Variants in GCH1 observed in about 807,000 individuals in gnomAD.
GCH1 encodes GTP cyclohydrolase I.
GCH1 carries 5 observed loss-of-function variants against 25.9 expected under a neutral mutation model. That is an observed-to-expected ratio of 0.19 (90% CI 0.10 to 0.41). GCH1 has a LOEUF of 0.41. Ranked by LOEUF, GCH1 falls within the 10% of genes least tolerant of loss-of-function variation. The pLI, the probability that GCH1 is intolerant of heterozygous loss-of-function variation, is 1.00. For missense variants in GCH1, 261 were observed against 336.5 expected, an observed-to-expected ratio of 0.78 and a Z score of 1.75; for synonymous variants, 159 against 129.6, an observed-to-expected ratio of 1.23 and a Z score of -1.54.
At chr14:54,874,678 G>A (rs1423069290) in intron 1 of GCH1, among the ~76,000 whole-genome samples, 19 of 152,172 alleles carry the variant, frequency 1.2e-4, no homozygotes, top group Admixed American at 2.0e-4. Flanking sequence ...CAAAAATCAC[G>A]AGCATTTCTA....
At chr14:54,879,581 T>G (rs2040214002) in intron 1 of GCH1, among the ~76,000 whole-genome samples, 1 of 152,080 alleles carries the variant, frequency 6.6e-6, no homozygotes, top group Non-Finnish European at 1.5e-5. Flanking sequence ...CATTTATAAA[T>G]CCTTGAAAGG....
chr14:54,870,498 T>TGGGTGCAGGACAGG (rs1566671633), intron 1 of GCH1, among the ~76,000 whole-genome samples: 1 of 152,126 alleles, frequency 6.6e-6, no homozygotes, highest in Non-Finnish European at 1.5e-5. Flanking sequence ...TGTCGGACAG[T>TGGGTGCAGGACAGG]GGGTGCAGGA....
intron 1 of GCH1, among the ~76,000 whole-genome samples, chr14:54,890,592 T>C (rs1373806852): frequency 6.6e-6 from 1 of 152,218 alleles, no homozygotes; most frequent in Non-Finnish European, 1.5e-5. Context: ...ATGGCCAGAA[T>C]GAACTTTAAA....
At chr14:54,859,650 G>A in intron 3 of GCH1, 31 bp downstream of exon 3, 3 of 1,307,344 alleles carry the variant, frequency 2.3e-6, no homozygotes, top group Non-Finnish European at 3.3e-6. Context: ...CTATAAACCT[G>A]TATTCTTGTT....
chr14:54,852,818 A>G, intron 3 of GCH1, among the ~76,000 whole-genome samples: 1 of 152,080 alleles, frequency 6.6e-6, no homozygotes, highest in East Asian at 1.9e-4. Context: ...GCCCTCTTCC[A>G]TCGTGTTTGT....
At chr14:54,858,224 A>G (rs1165881572) in intron 3 of GCH1, among the ~76,000 whole-genome samples, 1 of 152,166 alleles carries the variant, frequency 6.6e-6, no homozygotes, top group Non-Finnish European at 1.5e-5. Flanking sequence ...GCATAAAGAA[A>G]CAGGAACACA....
chr14:54,876,588 T>C (rs988258246), intron 1 of GCH1, among the ~76,000 whole-genome samples: 11 of 152,012 alleles, frequency 7.2e-5, no homozygotes, highest in African/African-American at 1.2e-4. Context: ...GAACCCAGGA[T>C]AGGAGTTTGA....
rs745929907 is a variant in GCH1, at chr14:54,844,038, G to A, written c.732C>T (p.Phe244=). ...FREDPKTREE[F]LTLIRS Reference sequence around the variant, plus strand: ...AAGCTCAGCTCCTAATGAGAGTCAGGAACTCTTCCCGAGTCTTTGGATCCT... The same window carrying A: ...AAGCTCAGCTCCTAATGAGAGTCAGAAACTCTTCCCGAGTCTTTGGATCCT... The change falls in exon 6 of 6, where the codon TTC becomes TTT. Residue 244 remains phenylalanine, a synonymous_variant. Transcript: ENST00000491895. 2.5e-6 allele frequency: 4 copies of A among 1,614,060 alleles called. No homozygotes were observed. Among genetic ancestry groups the A allele is most frequent in the Admixed American group, 1.7e-5 (1 of 60,016 alleles).
At chr14:54,876,702 G>A (rs887508459) in intron 1 of GCH1, among the ~76,000 whole-genome samples, 12 of 151,958 alleles carry the variant, frequency 7.9e-5, no homozygotes, top group African/African-American at 2.4e-4. Flanking sequence ...TAAAATTGTA[G>A]TATAGTATGT....
At chr14:54,883,501 A>C (rs1208157590) in intron 1 of GCH1, among the ~76,000 whole-genome samples, 1 of 152,022 alleles carries the variant, frequency 6.6e-6, no homozygotes, top group Non-Finnish European at 1.5e-5. Flanking sequence ...AAGACGGACA[A>C]AGTCCGTCTC....
chr14:54,875,476 A>T (rs1049034464), intron 1 of GCH1, among the ~76,000 whole-genome samples: 1 of 152,356 alleles, frequency 6.6e-6, no homozygotes, highest in East Asian at 1.9e-4. Flanking sequence ...GACAAAAGGG[A>T]TCTAATTAAA....
intron 3 of GCH1, among the ~76,000 whole-genome samples, chr14:54,855,219 G>C (rs571510103): frequency 6.6e-6 from 1 of 152,136 alleles, no homozygotes; most frequent in East Asian, 1.9e-4. Context: ...TAAAAAGCTG[G>C]CCAGGGCCAG....
At chr14:54,889,056 C>T (rs763850392) in intron 1 of GCH1, among the ~76,000 whole-genome samples, 2 of 152,134 alleles carry the variant, frequency 1.3e-5, no homozygotes, top group African/African-American at 2.4e-5. Context: ...GTATGGCCTC[C>T]GTGGAGGCAA....
intron 1 of GCH1, among the ~76,000 whole-genome samples, chr14:54,872,488 C>T (rs1283954062): frequency 2.0e-5 from 3 of 152,146 alleles, no homozygotes; most frequent in Non-Finnish European, 4.4e-5. Flanking sequence ...ATCAAATTCA[C>T]ACATAACAAT....
Position 54,902,633 on chromosome 14 carries a change from C to T in GCH1, c.31G>A (p.Glu11Lys). The change falls in exon 1 of 6, where the codon GAG becomes AAG. Residue 11 changes from glutamate to lysine, a missense_variant. Physicochemically the swap from Glu to Lys is moderately conservative, Grantham distance 56 (BLOSUM62 1). Around this residue, in one of 3 missense-constraint regions of GCH1, gnomAD observed 125 missense variants for 128.7 expected, o/e 0.97. Transcript: ENST00000491895. MEKGPVRAPA[E>K]KPRGARCSNG... ...CTGCACCTGGCGCCCCGCGGCTTCT[C>T]CGCCGGTGCCCGCACAGGGCCCTTC... 6.7e-7 allele frequency: 1 copy of T among 1,484,208 alleles called. No homozygotes were observed. The highest frequency in any genetic ancestry group is 8.9e-7 in the Non-Finnish European group (1 of 1,121,648). 91.9% of individuals were successfully genotyped at this position (1,484,208 alleles called of 1,614,324 possible).
At chr14:54,897,010 G>GTTTTTT (rs1303006172) in intron 1 of GCH1, among the ~76,000 whole-genome samples, 5 of 114,884 alleles carry the variant, frequency 4.4e-5, no homozygotes, top group Admixed American at 1.0e-4. Context: ...TCCACTTTTT[G>GTTTTTT]TTTTTTTTTT....
chr14:54,902,435 A>G lies in GCH1; in HGVS notation c.229T>C (p.Ser77Pro). The change falls in exon 1 of 6, where the codon TCC (serine) becomes CCC (proline). Residue 77 changes from serine (S) to proline (P), a missense_variant. Transcript: ENST00000491895. The part of the protein sequence containing the change: ...NLPNLAAAYS[S>P]ILSSLGENPQ... The stretch of plus-strand genomic sequence containing the variant: ...TTCTCGCCCAGCGAGCTCAGGATGG[A>G]CGAGTAGGCGGCTGCCAGGTTAGGG... 1 of 1,612,930 alleles carries G rather than the reference A, an allele frequency of 6.2e-7. No homozygotes were observed.
At chr14:54,883,371 CAAAAAAAAAAA>C (rs59191993) in intron 1 of GCH1, among the ~76,000 whole-genome samples, 8 of 55,218 alleles carry the variant, frequency 1.4e-4, no homozygotes, top group East Asian at 4.1e-4. Context: ...GACTCCGACT[CAAAAAAAAAAA>C]AAAAAAAAAA....
At chr14:54,863,499 CAAAAAAAAAAAAA>C (rs1209956263) in intron 2 of GCH1, among the ~76,000 whole-genome samples, 1 of 17,894 alleles carries the variant, frequency 5.6e-5, no homozygotes, top group African/African-American at 2.1e-4. Context: ...TTTGTAATAG[CAAAAAAAAAAAAA>C]AAAAAAAAAG....
Sources: allele counts gnomAD v4.1 joint callset (sites outside exome capture counted in the v4.1 genomes callset), GRCh38; gene constraint gnomAD v4.1.1; regional missense constraint gnomAD v4.1.1; transcripts MANE v1.5; gene names NCBI Gene and HGNC (gene_info 2026-07-23, HGNC 2026-07-21).